The following KANSL1 variants were observed in gnomAD, a reference collection of about 807,000 sequenced individuals.
The protein encoded by KANSL1 is MLL1/MLL complex subunit KANSL1.
In KANSL1, 22 loss-of-function variants were observed where a neutral mutation model predicts 103.6. The observed-to-expected ratio is 0.21, with a 90% confidence interval of 0.15 to 0.30. KANSL1 has a LOEUF of 0.30. KANSL1 is among the 10% of genes least tolerant of loss of function. The pLI is 1.00. For missense variants in KANSL1, 1,337 were observed against 1,399.8 expected, an observed-to-expected ratio of 0.96 and a Z score of 0.72; for synonymous variants, 600 against 527.6, an observed-to-expected ratio of 1.14 and a Z score of -1.88.
intron 8 of KANSL1, 25 bp downstream of exon 8, chr17:46,039,677 G>A (rs1297020575): frequency 1.9e-6 from 3 of 1,602,354 alleles, no homozygotes; most frequent in Admixed American, 1.7e-5. Context: ...TACTCTGGGG[G>A]ACTTCCCGGC....
At chr17:46,089,307 T>G (rs1445123492) in intron 3 of KANSL1, among the ~76,000 whole-genome samples, 1 of 152,128 alleles carries the variant, frequency 6.6e-6, no homozygotes, top group Non-Finnish European at 1.5e-5. Flanking sequence ...GGGACTCTAC[T>G]CACTTCACAG....
At position 46,105,949 on chromosome 17, in the gene KANSL1, C is replaced by CACACACACA. The variant is rs1567680988; in HGVS notation, c.1290-11249_1290-11248insTGTGTGTGT. 9.6e-3 allele frequency among the ~76,000 whole-genome samples: 471 copies of CACACACACA among 49,270 alleles called. 3 individuals carry two copies. The highest frequency in any genetic ancestry group is 0.022 in the African/African-American group (343 of 15,556). The allele number at this position is 49,270 out of a possible 152,430, so 32.3% of individuals were successfully genotyped here. A position where few individuals can be genotyped will look rare whatever the true frequency, so the allele number is the denominator to read the frequency against. Reference sequence around the variant, plus strand: ...CACACACACACACACACACACACACCCCCCCAGAAGGGTGAAGGAGCAGAA... The same window carrying CACACACACA: ...CACACACACACACACACACACACACCACACACACACCCCCAGAAGGGTGAAGGAGCAGAA... On this transcript the variant is annotated intron_variant, in intron 2 of 14. Transcript: ENST00000432791.
chr17:46,199,652 ATAT>A (rs2047728909), intron 1 of KANSL1, among the ~76,000 whole-genome samples: 1 of 152,252 alleles, frequency 6.6e-6, no homozygotes, highest in Admixed American at 6.5e-5. Flanking sequence ...TTACATAAAG[ATAT>A]TATTTTGCCA....
intron 2 of KANSL1, 42 bp downstream of exon 2, chr17:46,170,813 C>T (rs1391468290): frequency 1.3e-6 from 2 of 1,525,008 alleles, no homozygotes; most frequent in East Asian, 4.6e-5. Flanking sequence ...TTCCTTGTGC[C>T]AACATTTCTC....
intron 4 of KANSL1, among the ~76,000 whole-genome samples, chr17:46,075,251 T>C (rs961905161): frequency 6.6e-6 from 1 of 152,206 alleles, no homozygotes; most frequent in Non-Finnish European, 1.5e-5. Flanking sequence ...AATTTCGTGG[T>C]TCTGATAATT....
At chr17:46,039,274 C>T (rs1185157701) in intron 8 of KANSL1, 59 bp from the exon 9 acceptor site, 76 of 1,464,386 alleles carry the variant, frequency 5.2e-5, no homozygotes, top group Non-Finnish European at 6.6e-5. Flanking sequence ...TTTTCTTATT[C>T]GAGTTCCAAG....
chr17:46,173,806 A>G (rs1262214429), intron 1 of KANSL1, among the ~76,000 whole-genome samples: 1 of 152,184 alleles, frequency 6.6e-6, no homozygotes, highest in African/African-American at 2.4e-5. Context: ...AAAAATTATG[A>G]ATTATCTTGA....
chr17:46,104,037 C>T (rs1347675982), intron 2 of KANSL1, among the ~76,000 whole-genome samples: 1 of 151,998 alleles, frequency 6.6e-6, no homozygotes, highest in Non-Finnish European at 1.5e-5. Flanking sequence ...CAAAAATAAA[C>T]AAACAAACAA....
intron 1 of KANSL1, among the ~76,000 whole-genome samples, chr17:46,200,962 G>A (rs1178525082): frequency 2.0e-5 from 3 of 151,918 alleles, no homozygotes; most frequent in Non-Finnish European, 2.9e-5. Flanking sequence ...TGCCAGGCTG[G>A]AGTGCATGGC....
Position 46,031,526 on chromosome 17 carries a change from T to G in KANSL1, c.3268A>C (p.Ser1090Arg), listed in dbSNP as rs1352728343. ...GTGGCTGCTGCCACCAGATGCCGAC[T>G]CTTGAGGGGGACAATGGGAGGCGAG... Reference protein sequence around the residue: ...PTSPPIVPLKSRHLVAAATAQ... With the variant: ...PTSPPIVPLKRRHLVAAATAQ... The change falls in exon 15 of 15, where the codon AGT becomes CGT. Residue 1090 changes from serine to arginine, a missense_variant. By Grantham distance (110) the Ser-to-Arg change is moderately radical. Around this residue, in one of 2 missense-constraint regions of KANSL1, gnomAD observed 780 missense variants for 923.4 expected, o/e 0.84. Transcript: ENST00000432791. 6.2e-7 allele frequency: 1 copy of G among 1,613,874 alleles called. No individual in the cohort carries two copies. The highest frequency in any genetic ancestry group is 1.3e-5 in the African/African-American group (1 of 74,924).
intron 1 of KANSL1, among the ~76,000 whole-genome samples, chr17:46,220,157 T>A (rs2048481098): frequency 6.6e-6 from 1 of 152,222 alleles, no homozygotes; most frequent in African/African-American, 2.4e-5. Flanking sequence ...ACCCTTGCCA[T>A]TTCTCTGACT....
At chr17:46,079,510 G>A (rs2078907996) in intron 4 of KANSL1, among the ~76,000 whole-genome samples, 1 of 152,164 alleles carries the variant, frequency 6.6e-6, no homozygotes, top group Non-Finnish European at 1.5e-5. Flanking sequence ...GCATCTTGTT[G>A]AAAACAATGT....
chr17:46,092,715 T>TG (rs71138524), intron 3 of KANSL1, among the ~76,000 whole-genome samples: 637 of 21,526 alleles, frequency 0.03, 6 homozygotes, highest in African/African-American at 0.033. Context: ...TTTTTTTTTT[T>TG]GGGGGGGGGG....
intron 7 of KANSL1, chr17:46,041,565 T>G (rs1471038681): frequency 6.6e-6 from 1 of 152,134 alleles, no homozygotes; most frequent in East Asian, 1.9e-4. Context: ...GAAACACCAC[T>G]ACTTCAAGGA....
chr17:46,098,743 G>A (rs1472612958), intron 2 of KANSL1, among the ~76,000 whole-genome samples: 3 of 152,166 alleles, frequency 2.0e-5, no homozygotes, highest in Non-Finnish European at 4.4e-5. Context: ...TTTAGAACTC[G>A]AAGTGATTTC....
chr17:46,220,058 G>A (rs1357611572), intron 1 of KANSL1, among the ~76,000 whole-genome samples: 2 of 151,966 alleles, frequency 1.3e-5, no homozygotes, highest in East Asian at 2.0e-4. Flanking sequence ...AGCCGAGATT[G>A]CGCCACTGCA....
At chr17:46,099,929 C>T (rs1450825122) in intron 2 of KANSL1, among the ~76,000 whole-genome samples, 1 of 147,996 alleles carries the variant, frequency 6.8e-6, no homozygotes, top group Admixed American at 6.8e-5. Context: ...TACCTAAATG[C>T]AGTATCAATA....
At chr17:46,148,300 G>C (rs2044848588) in intron 2 of KANSL1, 1 of 152,170 alleles carries the variant, frequency 6.6e-6, no homozygotes, top group Admixed American at 6.5e-5. Context: ...TGGGAGAGGA[G>C]GAACATAAAT....
At chr17:46,085,736 C>G (rs979564377) in intron 3 of KANSL1, among the ~76,000 whole-genome samples, 1 of 152,200 alleles carries the variant, frequency 6.6e-6, no homozygotes, top group African/African-American at 2.4e-5. Flanking sequence ...AAGTAATGCA[C>G]TTGCCTCAAA....
Sources: allele counts gnomAD v4.1 joint callset (sites outside exome capture counted in the v4.1 genomes callset), GRCh38; gene constraint gnomAD v4.1.1; regional missense constraint gnomAD v4.1.1; transcripts MANE v1.5; gene names NCBI Gene and HGNC (gene_info 2026-07-23, HGNC 2026-07-21).